Variants in GPHN observed in about 807,000 individuals in gnomAD.
GPHN encodes gephyrin.
In GPHN, 17 loss-of-function variants were observed where a neutral mutation model predicts 95.5. The ratio of observed to expected loss-of-function variants is 0.18; its 90% CI spans 0.12 to 0.27. GPHN has a LOEUF of 0.27. Ranked by LOEUF, GPHN falls within the 10% of genes least tolerant of loss-of-function variation. The pLI, the probability that GPHN is intolerant of heterozygous loss-of-function variation, is 1.00. For missense variants in GPHN, 660 were observed against 978.1 expected, an observed-to-expected ratio of 0.67 and a Z score of 4.34; for synonymous variants, 320 against 322.5, an observed-to-expected ratio of 0.99 and a Z score of 0.08.
At chr14:67,251,336 C>G in the GPHN span, among the ~76,000 whole-genome samples, 1 of 152,128 alleles carries the variant, frequency 6.6e-6, no homozygotes, top group Non-Finnish European at 1.5e-5. Flanking sequence ...AGTTTGAGAC[C>G]AACCTGGGCA....
chr14:67,203,177 C>G, the GPHN span: 1 of 1,614,042 alleles, frequency 6.2e-7, no homozygotes, highest in African/African-American at 1.3e-5. Flanking sequence ...GCTCCACCCA[C>G]AAGATCCCCA....
At chr14:66,848,019 A>G (rs1427428727) in intron 4 of GPHN, among the ~76,000 whole-genome samples, 3 of 152,058 alleles carry the variant, frequency 2.0e-5, no homozygotes, top group African/African-American at 7.2e-5. Context: ...AACAATCTTT[A>G]ATTTTATGAA....
At chr14:67,160,712 TG>T (rs1458206769) in intron 19 of GPHN, among the ~76,000 whole-genome samples, 1 of 152,040 alleles carries the variant, frequency 6.6e-6, no homozygotes, top group Admixed American at 6.6e-5. Flanking sequence ...TAGGAGAGAA[TG>T]GAGTAGAGGC....
At chr14:67,216,840 A>T in the GPHN span, among the ~76,000 whole-genome samples, 2 of 152,174 alleles carry the variant, frequency 1.3e-5, no homozygotes, top group African/African-American at 2.4e-5. Context: ...CATATAGTCA[A>T]TCCTGGAGAA....
chr14:67,687,466 CCT>C, the GPHN span, among the ~76,000 whole-genome samples: 4,531 of 116,664 alleles, frequency 0.039, 152 homozygotes, highest in East Asian at 0.17. Flanking sequence ...CCTCCATATT[CCT>C]TTTTTTTTTT....
the GPHN span, among the ~76,000 whole-genome samples, chr14:67,593,029 C>T: frequency 3.0e-4 from 45 of 152,204 alleles, no homozygotes; most frequent in Non-Finnish European, 5.7e-4. Context: ...TTAGGTGATC[C>T]GCCTGCCTTG....
At chr14:66,867,102 C>T (rs1023219364) in intron 4 of GPHN, among the ~76,000 whole-genome samples, 2 of 151,272 alleles carry the variant, frequency 1.3e-5, no homozygotes, top group Non-Finnish European at 2.9e-5. Flanking sequence ...TCACATGAAA[C>T]GTTATCTGCT....
the GPHN span, chr14:67,584,216 T>C: frequency 3.8e-6 from 5 of 1,306,950 alleles, no homozygotes; most frequent in South Asian, 1.3e-5. Flanking sequence ...CCTACCTCCA[T>C]ACCAGTAACC....
intron 9 of GPHN, among the ~76,000 whole-genome samples, chr14:67,017,288 G>C (rs1177797448): frequency 1.3e-5 from 2 of 152,044 alleles, no homozygotes; most frequent in Non-Finnish European, 2.9e-5. Flanking sequence ...AACTTTTCTA[G>C]AACAATTATC....
At chr14:67,199,109 C>A in the GPHN span, 1 of 1,231,450 alleles carries the variant, frequency 8.1e-7, no homozygotes, top group Non-Finnish European at 1.2e-6. Context: ...CCACTGTGTA[C>A]GTGGGGGGCC....
At chr14:67,102,210 A>G (rs1474822755) in intron 13 of GPHN, among the ~76,000 whole-genome samples, 1 of 152,178 alleles carries the variant, frequency 6.6e-6, no homozygotes, top group South Asian at 2.1e-4. Flanking sequence ...GCATCTGTCA[A>G]TCCGGTGAGT....
At chr14:67,453,353 G>T in the GPHN span, among the ~76,000 whole-genome samples, 2 of 152,154 alleles carry the variant, frequency 1.3e-5, no homozygotes, top group Admixed American at 1.3e-4. Flanking sequence ...AGGAGAGCCT[G>T]GGTGAAGGAG....
At chr14:67,195,607 T>C in the GPHN span, among the ~76,000 whole-genome samples, 1 of 152,164 alleles carries the variant, frequency 6.6e-6, no homozygotes, top group Non-Finnish European at 1.5e-5. Flanking sequence ...GACTACTGCA[T>C]CTCCTCAAAT....
chr14:67,358,984 A>G, the GPHN span, among the ~76,000 whole-genome samples: 1 of 152,212 alleles, frequency 6.6e-6, no homozygotes, highest in East Asian at 1.9e-4. Context: ...TGGGAGAGAA[A>G]GACACATAAA....
chr14:66,588,518 A>T (rs2061511782), intron 1 of GPHN, among the ~76,000 whole-genome samples: 1 of 152,142 alleles, frequency 6.6e-6, no homozygotes, highest in Non-Finnish European at 1.5e-5. Flanking sequence ...TGCTAACTAG[A>T]GTAACCAGTT....
At chr14:67,478,721 G>A in the GPHN span, among the ~76,000 whole-genome samples, 1 of 152,098 alleles carries the variant, frequency 6.6e-6, no homozygotes, top group Non-Finnish European at 1.5e-5. Context: ...CCCAGGGCCG[G>A]TGAACCCTCC....
the GPHN span, chr14:67,684,906 C>T: frequency 3.6e-6 from 3 of 824,614 alleles, no homozygotes; most frequent in East Asian, 5.2e-5. Context: ...AGTTAAAAGA[C>T]AAAAGCTATA....
intron 1 of GPHN, among the ~76,000 whole-genome samples, chr14:66,578,071 A>T (rs961704073): frequency 1.3e-5 from 2 of 151,984 alleles, no homozygotes; most frequent in Non-Finnish European, 2.9e-5. Context: ...GAAGGAAGTT[A>T]TGATTAATTT....
the GPHN span, among the ~76,000 whole-genome samples, chr14:67,475,477 C>T: frequency 1.3e-5 from 2 of 152,186 alleles, no homozygotes; most frequent in African/African-American, 4.8e-5. Flanking sequence ...CTGTTTTCCA[C>T]AGTGGCCACA....
Sources: allele counts gnomAD v4.1 joint callset (sites outside exome capture counted in the v4.1 genomes callset), GRCh38; gene constraint gnomAD v4.1.1; transcripts MANE v1.5; gene names NCBI Gene and HGNC (gene_info 2026-07-23, HGNC 2026-07-21).